NALCN: variants seen among roughly 807,000 people sequenced by gnomAD.
The protein encoded by NALCN is sodium leak channel NALCN.
A neutral mutation model predicts 225.3 loss-of-function variants in NALCN; 111 were observed. The observed-to-expected ratio is 0.49, with a 90% CI of 0.42 to 0.58. The LOEUF (loss-of-function observed/expected upper bound fraction) is 0.58, where lower values mean the gene tolerates loss of function less well. NALCN is among the 20% of genes least tolerant of loss of function. NALCN has a pLI of 0.00. For missense variants in NALCN, 1,378 were observed against 2,202.4 expected (o/e 0.63, Z 7.49); for synonymous variants, 764 against 769.0 (o/e 0.99, Z 0.11).
At chr13:101,269,642 C>T (rs1041366315) in intron 10 of NALCN, among the ~76,000 whole-genome samples, 1 of 152,174 alleles carries the variant, frequency 6.6e-6, no homozygotes, top group African/African-American at 2.4e-5. Flanking sequence ...TCAAGCAATA[C>T]AATCTTGTTG....
chr13:101,292,209 A>G lies in NALCN; in HGVS notation c.942+15T>C. 1 of 1,613,784 alleles carries G rather than the reference A, an allele frequency of 6.2e-7. No individual in the cohort carries two copies. Among genetic ancestry groups the G allele is most frequent in the South Asian group, 1.1e-5 (1 of 91,040 alleles). Reference sequence around the variant, plus strand: ...CACAGAACATAGACTTTCTTAGTACAATTCTTCGCAGTACCTTCACAAGCC... The same window carrying G: ...CACAGAACATAGACTTTCTTAGTACGATTCTTCGCAGTACCTTCACAAGCC... On this transcript the variant is annotated intron_variant, in intron 8 of 43. Transcript: ENST00000251127. The surrounding 1 kb of genome is among the most constrained non-coding windows in gnomAD (Gnocchi z 4.3).
At chr13:101,267,720 T>G (rs2042643151) in intron 10 of NALCN, among the ~76,000 whole-genome samples, 1 of 152,182 alleles carries the variant, frequency 6.6e-6, no homozygotes, top group African/African-American at 2.4e-5. Context: ...AGATGCCAGC[T>G]GACGAGTGGC....
Position 101,055,205 on chromosome 13 carries a change from T to C in NALCN, c.*90A>G, listed in dbSNP as rs184568802. The C allele has an allele frequency of 1.1e-4, 108 of 1,001,026 alleles. No homozygotes were observed. In the East Asian group the frequency reaches 2.5e-3, roughly 23 times the overall value. 62.0% of individuals were successfully genotyped at this position (1,001,026 alleles called of 1,614,324 possible). A position where few individuals can be genotyped will look rare whatever the true frequency, so the allele number is the denominator to read the frequency against. ...CTTGTGACAAGCTGGAATTCAGTTA[T>C]AGATCAATTACAGATTGCTCACTGG... On this transcript the variant is annotated 3_prime_UTR_variant, in exon 44 of 44. Coordinates refer to ENST00000251127, the MANE Select transcript of NALCN (RefSeq NM_052867.4).
rs529792628 is a variant in NALCN at position 101,059,826 on chromosome 13, G to C, written c.4897C>G (p.Gln1633Glu). 1.2e-6 allele frequency: 2 copies of C among 1,614,010 alleles called. No individual in the cohort carries two copies. Among genetic ancestry groups the C allele is most frequent in the Admixed American group, 3.3e-5 (2 of 60,012 alleles). Reference protein sequence around the residue: ...TNANSQDNSMQPETSSQQQLL... With the variant: ...TNANSQDNSMEPETSSQQQLL... Reference sequence around the variant, plus strand: ...ACGCCTCGTGCCCATACCTCAGGTTGCATGCTGTTGTCCTGACTGTTGGCA... The same window carrying C: ...ACGCCTCGTGCCCATACCTCAGGTTCCATGCTGTTGTCCTGACTGTTGGCA... The change falls in exon 42 of 44, where the codon CAA becomes GAA. Residue 1633 changes from glutamine to glutamate, a missense_variant. Coordinates refer to ENST00000251127, the MANE Select transcript of NALCN (RefSeq NM_052867.4).
intron 28 of NALCN, among the ~76,000 whole-genome samples, chr13:101,093,810 T>C (rs1172247667): frequency 2.6e-5 from 4 of 152,142 alleles, no homozygotes; most frequent in Non-Finnish European, 4.4e-5. Context: ...ACTGATCCTA[T>C]AACTCATATA....
intron 43 of NALCN, among the ~76,000 whole-genome samples, chr13:101,056,308 A>G (rs1404897856): frequency 7.9e-6 from 1 of 127,066 alleles, no homozygotes; most frequent in Non-Finnish European, 1.6e-5. Flanking sequence ...TCACCCAGAC[A>G]GGAGTGCAGC....
chr13:101,324,856 T>C (rs1310518723), intron 7 of NALCN, among the ~76,000 whole-genome samples: 4 of 152,276 alleles, frequency 2.6e-5, no homozygotes, highest in African/African-American at 7.2e-5. Context: ...CTTGTGCCGG[T>C]TTTCAAAGGG....
chr13:101,327,634 T>G lies in NALCN; in HGVS notation c.799+17632A>C, dbSNP rs141255228. On this transcript the variant is annotated intron_variant, in intron 7 of 43. Transcript: ENST00000251127. ...CTTTCAGGGATATACCCATCCCAGGTAATCCTTCTTTTAAAAATTCATGTT... is the reference window on the plus strand; with the variant it reads ...CTTTCAGGGATATACCCATCCCAGGGAATCCTTCTTTTAAAAATTCATGTT... Among the ~76,000 whole-genome samples the G allele has an allele frequency of 3.1e-3, 467 of 152,292 alleles. 4 individuals carry two copies. The Middle Eastern group carries it at 0.041, about 13-fold the overall frequency.
At chr13:101,240,814 AT>A (rs1330820924) in intron 11 of NALCN, among the ~76,000 whole-genome samples, 6 of 152,312 alleles carry the variant, frequency 3.9e-5, no homozygotes, top group African/African-American at 1.4e-4. Flanking sequence ...GCAATGAAAT[AT>A]AACACAAAAG....
chr13:101,223,062 T>C (rs2041005643), intron 13 of NALCN, among the ~76,000 whole-genome samples: 1 of 152,072 alleles, frequency 6.6e-6, no homozygotes, highest in Non-Finnish European at 1.5e-5. Context: ...AGGGGCACAA[T>C]TCAAACCCCC....
At chr13:101,171,373 T>C (rs1445578555) in intron 15 of NALCN, among the ~76,000 whole-genome samples, 1 of 149,782 alleles carries the variant, frequency 6.7e-6, no homozygotes, top group Non-Finnish European at 1.5e-5. Context: ...TTGTATTTAA[T>C]GTATGACATA....
At chr13:101,286,693 C>A (rs2043349381) in intron 9 of NALCN, among the ~76,000 whole-genome samples, 1 of 151,944 alleles carries the variant, frequency 6.6e-6, no homozygotes, top group Non-Finnish European at 1.5e-5. Flanking sequence ...GTTAGAATGT[C>A]CATTAATTTT....
chr13:101,064,395 T>C (rs1433222192), intron 40 of NALCN, among the ~76,000 whole-genome samples: 1 of 152,192 alleles, frequency 6.6e-6, no homozygotes, highest in African/African-American at 2.4e-5. Context: ...AAAAAAGATA[T>C]GTTGGAGTCC....
In NALCN at chr13:101,372,501, T is replaced by C. The variant is rs753763310; in HGVS notation, c.644+4199A>G. ...AAAGGCTGAAATTTCACAGGGACTA[T>C]TGTCTGACCACAACAGAATAAAATT... is the stretch of plus-strand genomic sequence containing the variant. On this transcript the variant is annotated intron_variant, in intron 6 of 43. Transcript: ENST00000251127. 3.3e-5 allele frequency among the ~76,000 whole-genome samples: 5 copies of C among 152,276 alleles called. No homozygotes were observed. The East Asian group carries it at 7.7e-4, about 23-fold the overall frequency.
At chr13:101,162,363 T>C (rs2038229899) in intron 15 of NALCN, among the ~76,000 whole-genome samples, 1 of 152,218 alleles carries the variant, frequency 6.6e-6, no homozygotes, top group East Asian at 1.9e-4. Context: ...GAATGGATGA[T>C]AAAGCAGATT....
rs78408367 is a variant in NALCN, at chr13:101,285,885, T to C, written c.1048-1866A>G. Reference sequence around the variant, plus strand: ...ACCAGTTATTAATAAAAACCCTCTGTTGATACATCCTATACTCTCTAATTG... The same window carrying C: ...ACCAGTTATTAATAAAAACCCTCTGCTGATACATCCTATACTCTCTAATTG... On this transcript the variant is annotated intron_variant, in intron 9 of 43. Transcript: ENST00000251127. Among the ~76,000 whole-genome samples, 37 of 152,290 alleles carry C rather than the reference T, an allele frequency of 2.4e-4. No homozygotes were observed. The East Asian group carries it at 6.4e-3, about 26-fold the overall frequency.
chr13:101,144,353 C>T (rs940789880), intron 16 of NALCN, among the ~76,000 whole-genome samples: 7 of 152,148 alleles, frequency 4.6e-5, no homozygotes, highest in African/African-American at 1.4e-4. Flanking sequence ...GCTGTGGTTT[C>T]CCTGTTTGCT....
intron 7 of NALCN, among the ~76,000 whole-genome samples, chr13:101,325,458 T>G (rs2044915147): frequency 6.6e-6 from 1 of 152,232 alleles, no homozygotes; most frequent in Admixed American, 6.5e-5. Context: ...TCTTGAATTT[T>G]GCCCCTTACA....
intron 19 of NALCN, 43 bp from the exon 20 acceptor site, chr13:101,110,731 A>G (rs1251369649): frequency 6.3e-7 from 1 of 1,599,904 alleles, no homozygotes; most frequent in Non-Finnish European, 8.6e-7. Context: ...TCAAGATCAA[A>G]CTGGCCTTTC....
Sources: allele counts gnomAD v4.1 joint callset (sites outside exome capture counted in the v4.1 genomes callset), GRCh38; gene constraint gnomAD v4.1.1; non-coding constraint Gnocchi (gnomAD v3.1); transcripts MANE v1.5; gene names NCBI Gene and HGNC (gene_info 2026-07-23, HGNC 2026-07-21).